Variants in SH3RF1 observed in about 807,000 individuals in gnomAD.
SH3RF1 encodes SH3 domain containing ring finger 1.
SH3RF1 carries 32 observed loss-of-function variants against 74.0 expected under a neutral mutation model. The ratio of observed to expected loss-of-function variants is 0.43; its 90% CI spans 0.33 to 0.58. The LOEUF is 0.58. Ranked by LOEUF, SH3RF1 falls within the 20% of genes least tolerant of loss-of-function variation. The probability of loss-of-function intolerance (pLI) is 0.05; values close to 1 mark genes in which losing one functional copy is unlikely to be tolerated. For synonymous variants in SH3RF1, 396 were observed against 439.6 expected, an observed-to-expected ratio of 0.90 and a Z score of 1.24; for missense variants, 954 against 1,130.9, an observed-to-expected ratio of 0.84 and a Z score of 2.24.
intron 10 of SH3RF1, among the ~76,000 whole-genome samples, 163 bp from the exon 11 acceptor site, chr4:169,107,368 T>C (rs1218564677): frequency 6.6e-6 from 1 of 152,208 alleles, no homozygotes; most frequent in Non-Finnish European, 1.5e-5. Flanking sequence ...TTCGGTTTGA[T>C]CTTTTTACAT....
At chr4:169,153,848 T>G (rs1734010522) in intron 4 of SH3RF1, among the ~76,000 whole-genome samples, 1 of 152,236 alleles carries the variant, frequency 6.6e-6, no homozygotes, top group Non-Finnish European at 1.5e-5. Context: ...GAAGTTTATC[T>G]TTCCAACTTA....
rs1388379033 is a variant in SH3RF1, at chr4:169,136,519, G to A, written c.867C>T (p.Ala289=). The change falls in exon 5 of 12, where the codon GCC becomes GCT. Residue 289 remains alanine, a synonymous_variant. Coordinates refer to ENST00000284637, the MANE Select transcript of SH3RF1 (RefSeq NM_020870.4). ...TCTTCTTGGTGTCGGAGTGCTTTGGGGCAGTGCTGCTCTGGGCTGCTGCCG... is the reference window on the plus strand; with the variant it reads ...TCTTCTTGGTGTCGGAGTGCTTTGGAGCAGTGCTGCTCTGGGCTGCTGCCG... ...CSSAAAQSST[A]PKHSDTKKNT... is the part of the protein sequence containing the mutation. 2.5e-6 allele frequency: 4 copies of A among 1,613,798 alleles called. No homozygotes were observed. The highest frequency in any genetic ancestry group is 3.3e-5 in the Admixed American group (2 of 59,976).
chr4:169,143,671 G>C (rs921972822), intron 4 of SH3RF1, among the ~76,000 whole-genome samples: 1 of 152,318 alleles, frequency 6.6e-6, no homozygotes, highest in South Asian at 2.1e-4. Context: ...CAGTAGGACA[G>C]GGAGGAACAC....
Position 169,221,605 on chromosome 4 carries a change from T to C in SH3RF1, c.393+47215A>G, listed in dbSNP as rs566505789. The stretch of plus-strand genomic sequence containing the variant: ...CATTAGGCTAAAACGTTCTTTATGA[T>C]AGCACTTCATTTTAACATATAAACA... On this transcript the variant is annotated intron_variant, in intron 2 of 11. Coordinates refer to ENST00000284637, the MANE Select transcript of SH3RF1 (RefSeq NM_020870.4). Among the ~76,000 whole-genome samples the C allele has an allele frequency of 7.2e-5, 11 of 152,322 alleles. No homozygotes were observed. The South Asian group carries it at 2.1e-3, about 29-fold the overall frequency.
intron 2 of SH3RF1, among the ~76,000 whole-genome samples, chr4:169,182,596 C>A (rs1734528969): frequency 6.6e-6 from 1 of 152,146 alleles, no homozygotes; most frequent in Admixed American, 6.5e-5. Context: ...TTGGGGATTT[C>A]AGATCCAACC....
chr4:169,137,374 T>C (rs1341457885), intron 4 of SH3RF1, among the ~76,000 whole-genome samples: 1 of 152,162 alleles, frequency 6.6e-6, no homozygotes, highest in African/African-American at 2.4e-5. Flanking sequence ...TCCACTGATA[T>C]TATCAGCAAG....
At chr4:169,234,077 CG>C (rs1730787486) in intron 2 of SH3RF1, among the ~76,000 whole-genome samples, 1 of 152,100 alleles carries the variant, frequency 6.6e-6, no homozygotes, top group Non-Finnish European at 1.5e-5. Context: ...TTTAGACCAC[CG>C]GAACACCCCT....
rs142209914 is a variant in SH3RF1, at chr4:169,134,670, C to G, written c.1068+1648G>C. On this transcript the variant is annotated intron_variant, in intron 5 of 11. Coordinates refer to ENST00000284637, the MANE Select transcript of SH3RF1 (RefSeq NM_020870.4). The stretch of plus-strand genomic sequence containing the variant: ...TAGTTCTGAACCTTTCTGGATTAAC[C>G]TCACTTTGCCCTTCCTACTCTGATC... 1.8e-3 allele frequency among the ~76,000 whole-genome samples: 277 copies of G among 152,314 alleles called. 1 individual carries two copies. The highest frequency in any genetic ancestry group is 6.4e-3 in the African/African-American group (266 of 41,576).
rs748915128 is a variant in SH3RF1 at position 169,117,757 on chromosome 4, T to C, written c.1543A>G (p.Lys515Glu). Residue 515 changes from lysine to glutamate, a missense_variant, in exon 9 of 12, where the codon AAA (lysine) becomes GAA (glutamate). Physicochemically the swap from Lys to Glu is moderately conservative, Grantham distance 56. Transcript: ENST00000284637. ...TGGCCAGCTGTAGACATAGGGACTT[T>C]AGCTTGGGAAGCATTTGTCACCGCC... Reference protein sequence around the residue: ...TRAVTNASQAKVPMSTAGQTS... With the variant: ...TRAVTNASQAEVPMSTAGQTS... 5 of 1,610,784 alleles carry C rather than the reference T, an allele frequency of 3.1e-6. No homozygotes were observed. The highest frequency in any genetic ancestry group is 1.7e-4 in the Middle Eastern group (1 of 6,048).
chr4:169,156,302 A>C, intron 3 of SH3RF1, 102 bp downstream of exon 3: 1 of 1,337,888 alleles, frequency 7.5e-7, no homozygotes, highest in Non-Finnish European at 1.0e-6. Flanking sequence ...TTCACACAAA[A>C]CTTGTATTTT....
intron 2 of SH3RF1, among the ~76,000 whole-genome samples, chr4:169,236,322 A>G (rs1730823064): frequency 6.6e-6 from 1 of 152,192 alleles, no homozygotes; most frequent in African/African-American, 2.4e-5. Flanking sequence ...TCCTGGAAGC[A>G]TGTGCTGAGA....
intron 2 of SH3RF1, chr4:169,166,181 T>TAA (rs34529630): frequency 6.6e-6 from 1 of 151,832 alleles, no homozygotes; most frequent in African/African-American, 2.4e-5. Context: ...TATATATATA[T>TAA]AATAAAGGAC....
chr4:169,181,257 CT>C (rs397878328), intron 2 of SH3RF1, among the ~76,000 whole-genome samples: 1,966 of 103,388 alleles, frequency 0.019, 4 homozygotes, highest in Non-Finnish European at 0.028. Context: ...TTGGGAAAGC[CT>C]TTTTTTTTTT....
At chr4:169,155,079 C>T (rs1477051034) in intron 4 of SH3RF1, among the ~76,000 whole-genome samples, 1 of 152,184 alleles carries the variant, frequency 6.6e-6, no homozygotes, top group Non-Finnish European at 1.5e-5. Context: ...TATTCTGGTT[C>T]TGCTGATGCA....
At chr4:169,191,339 G>A (rs1734705484) in intron 2 of SH3RF1, among the ~76,000 whole-genome samples, 2 of 148,974 alleles carry the variant, frequency 1.3e-5, no homozygotes, top group South Asian at 4.3e-4. Context: ...CCTAACCAAG[G>A]AAGTGAAAGA....
chr4:169,241,306 T>C (rs1270734487), intron 2 of SH3RF1, among the ~76,000 whole-genome samples: 3 of 152,216 alleles, frequency 2.0e-5, no homozygotes, highest in Non-Finnish European at 2.9e-5. Context: ...AGTTTACACA[T>C]TGAAATCAAT....
chr4:169,210,062 G>A (rs1411827146), intron 2 of SH3RF1, among the ~76,000 whole-genome samples: 1 of 152,118 alleles, frequency 6.6e-6, no homozygotes, highest in Non-Finnish European at 1.5e-5. Flanking sequence ...TCCCAAAATG[G>A]TGGCACCACA....
At chr4:169,184,636 C>T (rs1431103136) in intron 2 of SH3RF1, among the ~76,000 whole-genome samples, 1 of 152,126 alleles carries the variant, frequency 6.6e-6, no homozygotes, top group African/African-American at 2.4e-5. Flanking sequence ...AAAGGAGATG[C>T]CAATCACAGG....
At chr4:169,223,550 A>T (rs115753026) in intron 2 of SH3RF1, among the ~76,000 whole-genome samples, 1,540 of 152,318 alleles carry the variant, frequency 0.01, 33 homozygotes, top group African/African-American at 0.035. Flanking sequence ...ATGGTCCCAG[A>T]TGTGGGGGAT....
Sources: allele counts gnomAD v4.1 joint callset (sites outside exome capture counted in the v4.1 genomes callset), GRCh38; gene constraint gnomAD v4.1.1; transcripts MANE v1.5; gene names NCBI Gene and HGNC (gene_info 2026-07-23, HGNC 2026-07-21).